The following DLG2 variants were observed in gnomAD, a reference collection of about 807,000 sequenced individuals.
The protein encoded by DLG2 is disks large homolog 2.
A neutral mutation model predicts 132.5 loss-of-function variants in DLG2; 45 were observed. The ratio of observed to expected loss-of-function variants is 0.34; its 90% CI spans 0.27 to 0.44. DLG2 has a LOEUF of 0.44. Ranked by LOEUF, DLG2 falls within the 20% of genes least tolerant of loss-of-function variation. The probability of loss-of-function intolerance (pLI) is 1.00; values close to 1 mark genes in which losing one functional copy is unlikely to be tolerated. For missense variants in DLG2, 1,045 were observed against 1,196.9 expected (o/e 0.87, Z 1.87); for synonymous variants, 424 against 419.6 (o/e 1.01, Z -0.13).
intron 3 of DLG2, among the ~76,000 whole-genome samples, chr11:85,506,511 C>T (rs550465187): frequency 3.3e-5 from 5 of 152,034 alleles, no homozygotes; most frequent in Admixed American, 3.3e-4. Context: ...TCAGTTTCTG[C>T]CTAGTTGTGT....
intron 6 of DLG2, among the ~76,000 whole-genome samples, chr11:84,824,844 C>A (rs2078137843): frequency 6.6e-6 from 1 of 151,798 alleles, no homozygotes; most frequent in Non-Finnish European, 1.5e-5. Context: ...TGGCAACATA[C>A]CAGGGCTCTC....
intron 7 of DLG2, among the ~76,000 whole-genome samples, chr11:84,507,070 G>A (rs1379192290): frequency 6.6e-6 from 1 of 152,104 alleles, no homozygotes; most frequent in Non-Finnish European, 1.5e-5. Flanking sequence ...TTTTCTTCCA[G>A]CTTAGCACCT....
At chr11:84,432,006 T>C (rs2098986200) in intron 7 of DLG2, among the ~76,000 whole-genome samples, 1 of 152,172 alleles carries the variant, frequency 6.6e-6, no homozygotes, top group African/African-American at 2.4e-5. Flanking sequence ...TTTTAGACCC[T>C]AGAAATATGT....
At chr11:83,745,788 T>A (rs1157581900) in intron 18 of DLG2, among the ~76,000 whole-genome samples, 1 of 151,082 alleles carries the variant, frequency 6.6e-6, no homozygotes, top group Non-Finnish European at 1.5e-5. Flanking sequence ...GGTGTCAGAG[T>A]GAGACGCTGC....
At chr11:85,204,801 C>T (rs1595365279) in intron 4 of DLG2, among the ~76,000 whole-genome samples, 1 of 152,030 alleles carries the variant, frequency 6.6e-6, no homozygotes, top group East Asian at 1.9e-4. Flanking sequence ...GCTACAGTAA[C>T]CAAAACATCA....
At chr11:85,122,783 AT>A in intron 5 of DLG2, among the ~76,000 whole-genome samples, 1 of 151,192 alleles carries the variant, frequency 6.6e-6, no homozygotes, top group East Asian at 1.9e-4. Context: ...TCCCTGAAGG[AT>A]TATAACGAGA....
rs1264431760 is a variant in DLG2 at position 83,937,759 on chromosome 11, A to T, written c.1341-7276T>A. ...CTAGGAATAAAAATAACACAAATTA[A>T]ATGATACATCCCTTTTACCTATTTT... On this transcript the variant is annotated intron_variant, in intron 14 of 27. Transcript: ENST00000376104. 2.0e-5 allele frequency among the ~76,000 whole-genome samples: 3 copies of T among 152,178 alleles called. No homozygotes were observed. The East Asian group carries it at 5.8e-4, about 29-fold the overall frequency.
chr11:84,383,421 A>G (rs1295471433), intron 7 of DLG2, among the ~76,000 whole-genome samples: 1 of 152,174 alleles, frequency 6.6e-6, no homozygotes, highest in East Asian at 1.9e-4. Context: ...ATAATATAAT[A>G]TAGCAAAGGT....
intron 4 of DLG2, among the ~76,000 whole-genome samples, chr11:85,182,125 G>T (rs1446619021): frequency 6.6e-6 from 1 of 151,920 alleles, no homozygotes; most frequent in Non-Finnish European, 1.5e-5. Flanking sequence ...AATGTCCTAG[G>T]ACCTAGTGTA....
intron 6 of DLG2, among the ~76,000 whole-genome samples, chr11:85,104,705 T>C (rs1377767739): frequency 1.3e-5 from 2 of 151,582 alleles, no homozygotes; most frequent in African/African-American, 4.8e-5. Flanking sequence ...GGGTGAATTG[T>C]ATGGTATGTG....
intron 6 of DLG2, among the ~76,000 whole-genome samples, chr11:84,721,561 A>T (rs1353490516): frequency 6.8e-6 from 1 of 146,408 alleles, no homozygotes. Flanking sequence ...AAAAAAAAAA[A>T]TCAGCATGTG....
chr11:85,342,068 C>T (rs921243599), intron 3 of DLG2, among the ~76,000 whole-genome samples: 1 of 152,138 alleles, frequency 6.6e-6, no homozygotes, highest in African/African-American at 2.4e-5. Context: ...TTACTACACA[C>T]CACTGAAGAC....
chr11:83,963,194 G>A (rs1049977695), intron 13 of DLG2, among the ~76,000 whole-genome samples, 171 bp from the exon 14 acceptor site: 15 of 151,986 alleles, frequency 9.9e-5, no homozygotes, highest in Admixed American at 9.8e-4. Context: ...ATATATACAA[G>A]CACATGGTGA....
chr11:83,855,069 AG>A (rs2060319598), intron 16 of DLG2, among the ~76,000 whole-genome samples: 1 of 152,198 alleles, frequency 6.6e-6, no homozygotes, highest in South Asian at 2.1e-4. Context: ...GCACATGAAA[AG>A]ACGCCTCACA....
intron 7 of DLG2, among the ~76,000 whole-genome samples, chr11:84,484,294 G>A (rs993321105): frequency 2.0e-5 from 3 of 152,122 alleles, no homozygotes; most frequent in African/African-American, 7.2e-5. Context: ...TCCCCTTGCT[G>A]AAACAATTTC....
At chr11:85,520,362 A>C (rs1308108272) in intron 3 of DLG2, among the ~76,000 whole-genome samples, 3 of 152,220 alleles carry the variant, frequency 2.0e-5, no homozygotes, top group African/African-American at 7.2e-5. Context: ...ACAAAATGGA[A>C]AAATACTCCA....
chr11:84,815,396 T>C (rs921289925), intron 6 of DLG2, among the ~76,000 whole-genome samples: 1 of 152,042 alleles, frequency 6.6e-6, no homozygotes, highest in Non-Finnish European at 1.5e-5. Context: ...GTGTCAGTAA[T>C]ATCTGGCTTA....
At chr11:85,024,320 T>C (rs1056328727) in intron 6 of DLG2, among the ~76,000 whole-genome samples, 1 of 152,196 alleles carries the variant, frequency 6.6e-6, no homozygotes, top group African/African-American at 2.4e-5. Context: ...ATTTTACTTA[T>C]TTAAAATATT....
intron 6 of DLG2, among the ~76,000 whole-genome samples, chr11:85,084,050 G>C (rs2067581571): frequency 6.6e-6 from 1 of 152,098 alleles, no homozygotes; most frequent in Non-Finnish European, 1.5e-5. Flanking sequence ...CACAGAATTG[G>C]AGTACAGGTA....
Sources: allele counts gnomAD v4.1 joint callset (sites outside exome capture counted in the v4.1 genomes callset), GRCh38; gene constraint gnomAD v4.1.1; transcripts MANE v1.5; gene names NCBI Gene and HGNC (gene_info 2026-07-23, HGNC 2026-07-21).